The following PRMT3 variants were observed in gnomAD, a reference collection of about 807,000 sequenced individuals.
PRMT3 encodes protein arginine N-methyltransferase 3.
Under a neutral mutation model 71.9 loss-of-function variants are expected in PRMT3, and 62 were observed. The observed-to-expected ratio is 0.86, with a 90% CI of 0.70 to 1.07. The LOEUF is 1.07. Among genes scored for constraint, PRMT3 ranks in the 50% least tolerant of loss-of-function variants. The probability of loss-of-function intolerance (pLI) is 0.00; values close to 1 mark genes in which losing one functional copy is unlikely to be tolerated. For synonymous variants in PRMT3, 213 were observed against 220.4 expected (o/e 0.97, Z 0.30); for missense variants, 663 against 643.0 (o/e 1.03, Z -0.34).
intron 11 of PRMT3, among the ~76,000 whole-genome samples, chr11:20,461,300 C>T (rs1306725412): frequency 1.3e-5 from 2 of 152,144 alleles, no homozygotes. Flanking sequence ...CTCCCCTGCT[C>T]CAGCCAAGTC....
chr11:20,485,164 G>A (rs1851041307), intron 13 of PRMT3, among the ~76,000 whole-genome samples: 1 of 152,280 alleles, frequency 6.6e-6, no homozygotes, highest in Admixed American at 6.5e-5. Context: ...CATCTGGGTG[G>A]TCCAGGAAGT....
At chr11:20,450,190 T>G (rs17232646) in intron 10 of PRMT3, among the ~76,000 whole-genome samples, 11,403 of 152,264 alleles carry the variant, frequency 0.075, 585 homozygotes, top group Middle Eastern at 0.15. Flanking sequence ...TAATTTGTAC[T>G]AAAGTGTTAA....
Position 20,475,244 on chromosome 11 carries a change from TATC to T in PRMT3, c.1347+10699_1347+10701del, listed in dbSNP as rs550545080. Among the ~76,000 whole-genome samples, 340 of 152,336 alleles carry T rather than the reference TATC, an allele frequency of 2.2e-3. 1 individual carries two copies. The highest frequency in any genetic ancestry group is 7.9e-3 in the African/African-American group (329 of 41,570). On this transcript the variant is annotated intron_variant, in intron 13 of 15. Transcript: ENST00000331079. ...AATTATTATTTCTAACATTTATTATTATCCTTTAACAAGAAGGGAAACTTTGAA... is the reference window on the plus strand; with the variant it reads ...AATTATTATTTCTAACATTTATTATTCTTTAACAAGAAGGGAAACTTTGAA...
At chr11:20,421,909 G>A (rs1210355338) in intron 9 of PRMT3, among the ~76,000 whole-genome samples, 1 of 152,176 alleles carries the variant, frequency 6.6e-6, no homozygotes, top group African/African-American at 2.4e-5. Context: ...TGTCACCTGT[G>A]TCCATAGCAT....
At chr11:20,505,359 T>G (rs1191483072) in intron 15 of PRMT3, among the ~76,000 whole-genome samples, 1 of 152,158 alleles carries the variant, frequency 6.6e-6, no homozygotes, top group African/African-American at 2.4e-5. Flanking sequence ...ATCTCAAGTG[T>G]CCATTATCTG....
At chr11:20,403,033 A>G in intron 8 of PRMT3, 49 bp downstream of exon 8, 2 of 1,372,612 alleles carry the variant, frequency 1.5e-6, no homozygotes, top group East Asian at 4.6e-5. Flanking sequence ...GTTCTTGGGC[A>G]GTAGAAATCC....
At chr11:20,492,155 G>A (rs1851223411) in intron 13 of PRMT3, among the ~76,000 whole-genome samples, 1 of 152,114 alleles carries the variant, frequency 6.6e-6, no homozygotes, top group Non-Finnish European at 1.5e-5. Flanking sequence ...TAACATAACA[G>A]AATGTATAAT....
intron 11 of PRMT3, among the ~76,000 whole-genome samples, chr11:20,456,778 T>A (rs1565220499): frequency 6.6e-6 from 1 of 152,224 alleles, no homozygotes; most frequent in Non-Finnish European, 1.5e-5. Flanking sequence ...AATTTATCAA[T>A]TTGGAATTGG....
chr11:20,497,063 G>C (rs1014707405), intron 15 of PRMT3, among the ~76,000 whole-genome samples: 2 of 151,938 alleles, frequency 1.3e-5, no homozygotes, highest in African/African-American at 4.8e-5. Flanking sequence ...TTTCTTCATT[G>C]TAGCCATTTT....
In PRMT3 at chr11:20,506,037, C is replaced by T. The variant is rs533354221; in HGVS notation, c.1487-2267C>T. ...AACTGCCTTGCTGAAAATCCTAGTT[C>T]TTTCACTAGCTGGCAGATGACCTTG... On this transcript the variant is annotated intron_variant, in intron 15 of 15. Transcript: ENST00000331079. 3.3e-5 allele frequency among the ~76,000 whole-genome samples: 5 copies of T among 152,254 alleles called. No homozygotes were observed. In the East Asian group the frequency reaches 9.6e-4, roughly 29 times the overall value.
intron 2 of PRMT3, among the ~76,000 whole-genome samples, chr11:20,389,058 A>G (rs1308051141): frequency 6.6e-6 from 1 of 152,160 alleles, no homozygotes; most frequent in Non-Finnish European, 1.5e-5. Flanking sequence ...TGGCTGTGAT[A>G]GCCTCCATAA....
chr11:20,397,624 C>T lies in PRMT3; in HGVS notation c.608C>T (p.Ser203Leu), dbSNP rs142076035. The T allele has an allele frequency of 2.3e-5, 37 of 1,613,936 alleles. No individual in the cohort carries two copies. Among genetic ancestry groups the T allele is most frequent in the South Asian group, 3.3e-5 (3 of 91,088 alleles). ...FVMHTDVRTC[S>L]SSTSVIADLQ... ...ATGCACACAGATGTCAGAACCTGCT[C>T]GTCATCTACTAGTGTCATTGCGGAC... The change falls in exon 7 of 16, where the codon TCG (serine) becomes TTG (leucine). Residue 203 changes from serine to leucine, a missense_variant. By Grantham distance (145) the Ser-to-Leu change is moderately radical. Coordinates refer to ENST00000331079, the MANE Select transcript of PRMT3 (RefSeq NM_005788.4).
In PRMT3 at chr11:20,395,810, A is replaced by T. The variant is rs1412907210; in HGVS notation, c.408A>T (p.Glu136Asp). The T allele has an allele frequency of 7.4e-5, 119 of 1,610,558 alleles. No homozygotes were observed. Among genetic ancestry groups the T allele is most frequent in the Non-Finnish European group, 9.9e-5 (117 of 1,178,614 alleles). ...GTCCATTTATTTCTTTAGATGTAGA[A>T]GATCTTTATGAACCGGTGTCAGTAC... Reference protein sequence around the residue: ...EDDLLLQFDVEDLYEPVSVPF... With the variant: ...EDDLLLQFDVDDLYEPVSVPF... Residue 136 changes from glutamate (E) to aspartate (D), a missense_variant, in exon 6 of 16, where the codon GAA becomes GAT. By Grantham distance (45) the Glu-to-Asp change is conservative. Coordinates refer to ENST00000331079, the MANE Select transcript of PRMT3 (RefSeq NM_005788.4).
intron 12 of PRMT3, among the ~76,000 whole-genome samples, chr11:20,463,067 T>C (rs148858838): frequency 0.03 from 4,559 of 152,256 alleles, 232 homozygotes; most frequent in African/African-American, 0.1. Flanking sequence ...GGTTTCACCG[T>C]GTTGACCAGG....
chr11:20,477,739 A>G (rs1200044121), intron 13 of PRMT3, among the ~76,000 whole-genome samples: 1 of 151,826 alleles, frequency 6.6e-6, no homozygotes, highest in East Asian at 1.9e-4. Context: ...ATAATTGAAT[A>G]GTAATGTCGT....
At chr11:20,476,225 C>T (rs745581265) in intron 13 of PRMT3, among the ~76,000 whole-genome samples, 16 of 151,730 alleles carry the variant, frequency 1.1e-4, no homozygotes, top group East Asian at 4.0e-4. Context: ...TGATGGCAGG[C>T]GCCTGTAATC....
intron 12 of PRMT3, among the ~76,000 whole-genome samples, chr11:20,462,896 C>T (rs1042771765): frequency 6.6e-6 from 1 of 151,404 alleles, no homozygotes; most frequent in African/African-American, 2.4e-5. Flanking sequence ...AAAAGAGTCT[C>T]ACTCTGTCGC....
At chr11:20,419,621 C>T (rs1431124929) in intron 9 of PRMT3, among the ~76,000 whole-genome samples, 1 of 152,110 alleles carries the variant, frequency 6.6e-6, no homozygotes, top group Non-Finnish European at 1.5e-5. Flanking sequence ...GTGCTTTTTA[C>T]ACTTAGGCAT....
At chr11:20,506,788 A>G (rs1851601784) in intron 15 of PRMT3, among the ~76,000 whole-genome samples, 1 of 152,212 alleles carries the variant, frequency 6.6e-6, no homozygotes, top group Non-Finnish European at 1.5e-5. Flanking sequence ...TATTTAAGCA[A>G]AGAATGGTGA....
Sources: allele counts gnomAD v4.1 joint callset (sites outside exome capture counted in the v4.1 genomes callset), GRCh38; gene constraint gnomAD v4.1.1; transcripts MANE v1.5; gene names NCBI Gene and HGNC (gene_info 2026-07-23, HGNC 2026-07-21).